The following KCNJ6 variants were observed in gnomAD, a reference collection of about 807,000 sequenced individuals.
KCNJ6 encodes G protein-activated inward rectifier potassium channel 2.
Under a neutral mutation model 34.2 loss-of-function variants are expected in KCNJ6, and 9 were observed. The ratio of observed to expected loss-of-function variants is 0.26; its 90% confidence interval spans 0.16 to 0.46. The LOEUF is 0.46. KCNJ6 is among the 20% of genes least tolerant of loss of function. The pLI is 1.00. For missense variants in KCNJ6, 236 were observed against 531.3 expected, an observed-to-expected ratio of 0.44 and a Z score of 5.46; for synonymous variants, 196 against 207.1, an observed-to-expected ratio of 0.95 and a Z score of 0.46.
chr21:37,902,134 G>A (rs1244447774), intron 1 of KCNJ6, among the ~76,000 whole-genome samples: 1 of 152,242 alleles, frequency 6.6e-6, no homozygotes, highest in African/African-American at 2.4e-5. Flanking sequence ...CTTAGGTTCT[G>A]AAGATCTTTA....
intron 2 of KCNJ6, among the ~76,000 whole-genome samples, chr21:37,752,689 G>A (rs538404419): frequency 7.2e-5 from 11 of 152,224 alleles, no homozygotes; most frequent in East Asian, 3.9e-4. Flanking sequence ...CTGGCTAGGC[G>A]GCCCCAGACA....
chr21:37,784,280 G>C (rs914149647), intron 2 of KCNJ6, among the ~76,000 whole-genome samples: 1 of 152,108 alleles, frequency 6.6e-6, no homozygotes, highest in Non-Finnish European at 1.5e-5. Flanking sequence ...CTCTACCCTG[G>C]AGCCATCTCT....
At chr21:37,902,025 T>C (rs896452134) in intron 1 of KCNJ6, among the ~76,000 whole-genome samples, 6 of 152,230 alleles carry the variant, frequency 3.9e-5, no homozygotes, top group African/African-American at 1.4e-4. Context: ...GAGCTCAGTG[T>C]CTGTCAAAGC....
At chr21:37,688,723 A>G (rs2054626582) in intron 3 of KCNJ6, among the ~76,000 whole-genome samples, 1 of 152,228 alleles carries the variant, frequency 6.6e-6, no homozygotes, top group South Asian at 2.1e-4. Flanking sequence ...ATAAGGCACC[A>G]GAGATTATTC....
chr21:37,636,465 A>G (rs1200301184), intron 3 of KCNJ6, among the ~76,000 whole-genome samples: 1 of 152,196 alleles, frequency 6.6e-6, no homozygotes, highest in Admixed American at 6.5e-5. Flanking sequence ...CTCCACTGAG[A>G]GCTTCTCTGT....
intron 2 of KCNJ6, among the ~76,000 whole-genome samples, chr21:37,732,986 A>G (rs991305249): frequency 2.0e-5 from 3 of 152,194 alleles, no homozygotes; most frequent in Admixed American, 2.0e-4. Flanking sequence ...TCCCTGCTCT[A>G]ACAAGGTATG....
At chr21:37,720,249 A>G (rs909601149) in intron 2 of KCNJ6, among the ~76,000 whole-genome samples, 1 of 152,230 alleles carries the variant, frequency 6.6e-6, no homozygotes, top group African/African-American at 2.4e-5. Context: ...TAAGAAATGT[A>G]TCACACAAAG....
chr21:37,763,555 G>A (rs948558075), intron 2 of KCNJ6, among the ~76,000 whole-genome samples: 3 of 152,140 alleles, frequency 2.0e-5, no homozygotes, highest in African/African-American at 7.2e-5. Flanking sequence ...TGGGATTACT[G>A]AGTGACAGCT....
intron 2 of KCNJ6, among the ~76,000 whole-genome samples, chr21:37,807,287 A>G (rs2055298134): frequency 6.6e-6 from 1 of 152,150 alleles, no homozygotes; most frequent in South Asian, 2.1e-4. Flanking sequence ...CCATTTTTCC[A>G]TGGTTTTGAG....
chr21:37,822,040 T>C (rs746858654), intron 2 of KCNJ6, among the ~76,000 whole-genome samples: 1 of 152,210 alleles, frequency 6.6e-6, no homozygotes, highest in Non-Finnish European at 1.5e-5. Flanking sequence ...CACACCTGTT[T>C]GTTAAAATAA....
intron 1 of KCNJ6, among the ~76,000 whole-genome samples, chr21:37,867,938 T>C (rs929177597): frequency 6.6e-6 from 1 of 152,186 alleles, no homozygotes; most frequent in African/African-American, 2.4e-5. Flanking sequence ...TTGGCCTTTA[T>C]ATAGCAGGTA....
At chr21:37,888,339 C>T (rs2055745717) in intron 1 of KCNJ6, among the ~76,000 whole-genome samples, 1 of 152,254 alleles carries the variant, frequency 6.6e-6, no homozygotes, top group Middle Eastern at 3.4e-3. Context: ...AGCTAATTGG[C>T]CCAGGAACAA....
At chr21:37,806,427 A>C (rs1381615001) in intron 2 of KCNJ6, among the ~76,000 whole-genome samples, 1 of 152,202 alleles carries the variant, frequency 6.6e-6, no homozygotes, top group African/African-American at 2.4e-5. Flanking sequence ...AATTGGCATG[A>C]AAACAGAGAT....
At position 37,611,106 on chromosome 21, in the gene KCNJ6, A is replaced by T. The variant is rs2054241420; in HGVS notation, c.*14053T>A. 6.6e-6 allele frequency: 1 copy of T among 152,208 alleles called. No homozygotes were observed. Among genetic ancestry groups the T allele is most frequent in the Non-Finnish European group, 1.5e-5 (1 of 68,026 alleles). The allele number at this position is 152,208 out of a possible 1,614,324, so 9.4% of individuals were successfully genotyped here. A position where few individuals can be genotyped will look rare whatever the true frequency, so the allele number is the denominator to read the frequency against. Reference sequence around the variant, plus strand: ...CTCAAGGCATGCTAACTAAGAAAAAAAGAGAAAGAACACAAATTACTACTA... The same window carrying T: ...CTCAAGGCATGCTAACTAAGAAAAATAGAGAAAGAACACAAATTACTACTA... On this transcript the variant is annotated 3_prime_UTR_variant, in exon 4 of 4. Coordinates refer to ENST00000609713, the MANE Select transcript of KCNJ6 (RefSeq NM_002240.5).
Position 37,715,133 on chromosome 21 carries a change from T to A in KCNJ6, c.26-2A>T. The A allele has an allele frequency of 6.2e-7, 1 of 1,605,696 alleles. No homozygotes were observed. On this transcript the variant is annotated splice_acceptor_variant, in intron 2 of 3. Transcript: ENST00000609713. LOFTEE classifies it high-confidence loss of function. ...TGGAGTCGCCCTCCAGGACGTTAGC[T>A]GGTGGTTTGGAGAAAAGAAAAGAAA...
Position 37,715,128 on chromosome 21 carries a change from T to A in KCNJ6, c.29A>T (p.Asn10Ile). ...ATCCATGGAGTCGCCCTCCAGGACGTTAGCTGGTGGTTTGGAGAAAAGAAA... is the reference window on the plus strand; with the variant it reads ...ATCCATGGAGTCGCCCTCCAGGACGATAGCTGGTGGTTTGGAGAAAAGAAA... The part of the protein sequence containing the change: MAKLTESMT[N>I]VLEGDSMDQD... The change falls in exon 3 of 4, where the codon AAC becomes ATC. Residue 10 changes from asparagine to isoleucine, a missense_variant. By Grantham distance (149) the Asn-to-Ile change is moderately radical. Coordinates refer to ENST00000609713, the MANE Select transcript of KCNJ6 (RefSeq NM_002240.5). The A allele has an allele frequency of 6.2e-7, 1 of 1,607,962 alleles. No homozygotes were observed. The highest frequency in any genetic ancestry group is 8.5e-7 in the Non-Finnish European group (1 of 1,177,074).
chr21:37,665,078 G>A (rs1418930584), intron 3 of KCNJ6, among the ~76,000 whole-genome samples: 1 of 151,730 alleles, frequency 6.6e-6, no homozygotes, highest in Non-Finnish European at 1.5e-5. Context: ...TTACAGACAT[G>A]AGCCACCACG....
chr21:37,690,918 A>G (rs929695313), intron 3 of KCNJ6, among the ~76,000 whole-genome samples: 3 of 151,632 alleles, frequency 2.0e-5, no homozygotes, highest in African/African-American at 7.3e-5. Context: ...AGTAGCTGGG[A>G]TTGCAGGCAT....
intron 1 of KCNJ6, among the ~76,000 whole-genome samples, chr21:37,883,513 AC>A (rs1460612705): frequency 1.3e-5 from 2 of 152,112 alleles, no homozygotes; most frequent in African/African-American, 4.8e-5. Flanking sequence ...GTCTTGCTTG[AC>A]CAAGCACCTA....
Sources: allele counts gnomAD v4.1 joint callset (sites outside exome capture counted in the v4.1 genomes callset), GRCh38; gene constraint gnomAD v4.1.1; transcripts MANE v1.5; gene names NCBI Gene and HGNC (gene_info 2026-07-23, HGNC 2026-07-21).